Variants in TMEM163 observed in about 807,000 individuals in gnomAD.
TMEM163 encodes the protein transmembrane protein 163.
A neutral mutation model predicts 29.3 loss-of-function variants in TMEM163; 17 were observed. The ratio of observed to expected loss-of-function variants is 0.58; its 90% CI spans 0.40 to 0.87. TMEM163 has a LOEUF of 0.87. Ranked by LOEUF, TMEM163 falls within the 40% of genes least tolerant of loss-of-function variation. TMEM163 has a pLI of 0.00. For missense variants in TMEM163, 303 were observed against 381.5 expected (o/e 0.79, Z 1.71); for synonymous variants, 157 against 160.6 (o/e 0.98, Z 0.17).
intron 4 of TMEM163, among the ~76,000 whole-genome samples, chr2:134,532,351 A>T (rs987275850): frequency 3.9e-5 from 6 of 152,232 alleles, no homozygotes; most frequent in Non-Finnish European, 7.3e-5. Context: ...ATTCCTTCCA[A>T]ACATCTCAGT....
intron 6 of TMEM163, among the ~76,000 whole-genome samples, chr2:134,462,550 C>CT (rs1237594574): frequency 1.3e-5 from 2 of 152,208 alleles, no homozygotes; most frequent in African/African-American, 4.8e-5. Flanking sequence ...GATTATGAGA[C>CT]TGTTTTCACC....
intron 2 of TMEM163, among the ~76,000 whole-genome samples, chr2:134,674,341 T>C (rs1684058107): frequency 3.3e-5 from 1 of 30,470 alleles, no homozygotes; most frequent in African/African-American, 1.9e-4. Flanking sequence ...GAGTCATTAA[T>C]TTTTTTTTTT....
At chr2:134,585,398 C>G (rs1444265343) in intron 2 of TMEM163, among the ~76,000 whole-genome samples, 2 of 152,296 alleles carry the variant, frequency 1.3e-5, no homozygotes, top group Admixed American at 6.5e-5. Flanking sequence ...CTCTGTTCCT[C>G]CATTTCCTCT....
chr2:134,661,964 C>A (rs1683763797), intron 2 of TMEM163, among the ~76,000 whole-genome samples: 1 of 111,878 alleles, frequency 8.9e-6, no homozygotes, highest in Admixed American at 1.3e-4. Flanking sequence ...TGGAGTCTTG[C>A]TCTGTCACCC....
intron 2 of TMEM163, among the ~76,000 whole-genome samples, chr2:134,707,084 C>A (rs1317498582): frequency 6.6e-6 from 1 of 152,216 alleles, no homozygotes; most frequent in Admixed American, 6.5e-5. Flanking sequence ...CTCAGAACAC[C>A]GCCAGGATGT....
chr2:134,614,512 A>G (rs1286585560), intron 2 of TMEM163, among the ~76,000 whole-genome samples: 3 of 152,230 alleles, frequency 2.0e-5, no homozygotes, highest in African/African-American at 7.2e-5. Context: ...AGACTTGAGA[A>G]CAAAAGAATG....
At chr2:134,668,782 A>C (rs77920952) in intron 2 of TMEM163, among the ~76,000 whole-genome samples, 3,482 of 152,192 alleles carry the variant, frequency 0.023, 114 homozygotes, top group African/African-American at 0.069. Flanking sequence ...CACACACACA[A>C]AAAAAATCTA....
chr2:134,680,155 G>A (rs559907425), intron 2 of TMEM163, among the ~76,000 whole-genome samples: 2 of 152,320 alleles, frequency 1.3e-5, no homozygotes, highest in African/African-American at 4.8e-5. Flanking sequence ...ATGGCTGCAT[G>A]AGAAAAGAAG....
At chr2:134,675,582 C>T (rs1255680610) in intron 2 of TMEM163, among the ~76,000 whole-genome samples, 1 of 151,786 alleles carries the variant, frequency 6.6e-6, no homozygotes, top group African/African-American at 2.4e-5. Context: ...TTCAGATATT[C>T]CCTGTCTGAA....
At chr2:134,679,321 G>T (rs986857183) in intron 2 of TMEM163, among the ~76,000 whole-genome samples, 1 of 152,246 alleles carries the variant, frequency 6.6e-6, no homozygotes, top group East Asian at 1.9e-4. Context: ...GGCCTCATGT[G>T]TTTGTTCCAT....
intron 2 of TMEM163, among the ~76,000 whole-genome samples, chr2:134,614,035 GA>G (rs1682559360): frequency 6.6e-6 from 1 of 151,932 alleles, no homozygotes; most frequent in Non-Finnish European, 1.5e-5. Flanking sequence ...AGAGAAAGAA[GA>G]AAAAGGTAGG....
At chr2:134,588,847 G>C (rs77185525) in intron 2 of TMEM163, among the ~76,000 whole-genome samples, 1,775 of 152,154 alleles carry the variant, frequency 0.012, 21 homozygotes, top group Non-Finnish European at 0.018. Flanking sequence ...CAAAACGTTG[G>C]GGGGGGAAGA....
At chr2:134,647,990 T>G (rs1558976823) in intron 2 of TMEM163, among the ~76,000 whole-genome samples, 1 of 152,184 alleles carries the variant, frequency 6.6e-6, no homozygotes, top group Non-Finnish European at 1.5e-5. Context: ...ATGGCTTAAG[T>G]GTTAACAGCT....
intron 2 of TMEM163, among the ~76,000 whole-genome samples, chr2:134,593,568 A>G (rs1393094170): frequency 6.6e-6 from 1 of 152,146 alleles, no homozygotes; most frequent in African/African-American, 2.4e-5. Flanking sequence ...AAAGCCTTCT[A>G]TGTTCTCCTG....
At chr2:134,485,983 T>C (rs550450260) in intron 5 of TMEM163, among the ~76,000 whole-genome samples, 19 of 152,270 alleles carry the variant, frequency 1.2e-4, no homozygotes, top group Admixed American at 1.2e-3. Flanking sequence ...TTGAAAGCAC[T>C]CGTTGGCCAT....
At chr2:134,718,397 C>T (rs1195554010) in intron 1 of TMEM163, among the ~76,000 whole-genome samples, 1 of 152,242 alleles carries the variant, frequency 6.6e-6, no homozygotes. Context: ...GGCCCAGAAG[C>T]GCTCGACTCC....
At chr2:134,617,652 G>A (rs1682638547) in intron 2 of TMEM163, among the ~76,000 whole-genome samples, 1 of 144,368 alleles carries the variant, frequency 6.9e-6, no homozygotes, top group Admixed American at 7.0e-5. Flanking sequence ...GAAAATATTT[G>A]ATTAATATAC....
At chr2:134,518,092 T>A (rs1263244805) in intron 4 of TMEM163, among the ~76,000 whole-genome samples, 1 of 152,100 alleles carries the variant, frequency 6.6e-6, no homozygotes, top group African/African-American at 2.4e-5. Context: ...AAGGAGAAAA[T>A]TTTAAAAGAA....
chr2:134,488,708 G>A (rs1314956409), intron 5 of TMEM163, among the ~76,000 whole-genome samples: 1 of 152,106 alleles, frequency 6.6e-6, no homozygotes. Flanking sequence ...TGTCCCTCTA[G>A]AGAACCCTGA....
Sources: allele counts gnomAD v4.1 joint callset (sites outside exome capture counted in the v4.1 genomes callset), GRCh38; gene constraint gnomAD v4.1.1; transcripts MANE v1.5; gene names NCBI Gene and HGNC (gene_info 2026-07-23, HGNC 2026-07-21).